The following DUOX2 variants were observed in gnomAD, a reference collection of about 807,000 sequenced individuals.
DUOX2 encodes the protein NADH/NADPH thyroid oxidase p138-tox.
Under a neutral mutation model 183.3 loss-of-function variants are expected in DUOX2, and 185 were observed. The ratio of observed to expected loss-of-function variants is 1.01; its 90% CI spans 0.90 to 1.14. The LOEUF (loss-of-function observed/expected upper bound fraction) is 1.14, where lower values mean the gene tolerates loss of function less well. Ranked by LOEUF, DUOX2 falls within the 50% of genes most tolerant of loss-of-function variation. The probability of loss-of-function intolerance (pLI) is 0.00; values close to 1 mark genes in which losing one functional copy is unlikely to be tolerated. For missense variants in DUOX2, 1,999 were observed against 2,022.9 expected, an observed-to-expected ratio of 0.99 and a Z score of 0.23; for synonymous variants, 788 against 812.4, an observed-to-expected ratio of 0.97 and a Z score of 0.51.
Position 45,100,843 on chromosome 15 carries a change from GA to G in DUOX2, c.2922-6del. ...CCCAGTCCCTGGGGGTGGGAGCTGA[GA>G]AAAAGAAATGGGGCTGTTCTCCCCT... On this transcript the variant is annotated splice_region_variant and splice_polypyrimidine_tract_variant and intron_variant, in intron 22 of 33. Coordinates refer to ENST00000389039, the MANE Select transcript of DUOX2 (RefSeq NM_001363711.2). 6.2e-7 allele frequency: 1 copy of G among 1,600,388 alleles called. No individual in the cohort carries two copies.
In DUOX2 at chr15:45,107,305, T is replaced by C. The variant is rs758492175; in HGVS notation, c.1693+40A>G. The stretch of plus-strand genomic sequence containing the variant: ...CGCACCCTCAATCTTGATCCTTCTC[T>C]GGCCACTGTCACTCACTTGTGTTCT... On this transcript the variant is annotated intron_variant, in intron 14 of 33. Transcript: ENST00000389039. The C allele has an allele frequency of 2.5e-6, 4 of 1,609,650 alleles. No homozygotes were observed. The Admixed American group carries it at 5.0e-5, about 20-fold the overall frequency.
In DUOX2 at chr15:45,108,971, T is replaced by A. The variant is rs534509103; in HGVS notation, c.1235-19A>T. 6.2e-7 allele frequency: 1 copy of A among 1,613,960 alleles called. No individual in the cohort carries two copies. The highest frequency in any genetic ancestry group is 8.5e-7 in the Non-Finnish European group (1 of 1,179,994). On this transcript the variant is annotated intron_variant, in intron 11 of 33. Coordinates refer to ENST00000389039, the MANE Select transcript of DUOX2 (RefSeq NM_001363711.2). ...CAGTAATCTGAAGAGGAGAGAAGAC[T>A]AGACTATGGGCTTTGTCCTCTCCAT...
At position 45,106,272 on chromosome 15, in the gene DUOX2, CA is replaced by C. The variant is rs772348846; in HGVS notation, c.2000del (p.Leu667ArgfsTer9). The C allele has an allele frequency of 1.9e-5, 30 of 1,614,164 alleles. No individual in the cohort carries two copies. In the East Asian group the frequency reaches 6.7e-4, roughly 36 times the overall value. On this transcript the variant is annotated frameshift_variant, in exon 17 of 34. Transcript: ENST00000389039. LOFTEE classifies it high-confidence loss of function. The stretch of plus-strand genomic sequence containing the variant: ...TCAGGACCTGCAGACACCTGTCTGA[CA>C]GCAGCTGGATGATGATGGGACTGCT... ...ERSSPIIIQL[L>X]SDRCLQVLNR...
At chr15:45,102,066 C>A (rs1894098395) in intron 20 of DUOX2, 77 bp from the exon 21 acceptor site, 4 of 1,550,088 alleles carry the variant, frequency 2.6e-6, no homozygotes, top group Middle Eastern at 4.4e-4. Flanking sequence ...GGGGCAGGCC[C>A]CAGATTATCT....
At chr15:45,109,417 T>C in intron 11 of DUOX2, 107 bp downstream of exon 11, 1 of 910,474 alleles carries the variant, frequency 1.1e-6, no homozygotes, top group South Asian at 1.3e-5. Context: ...TGTGTTTGTA[T>C]CTGTGTTCCT....
intron 21 of DUOX2, 58 bp downstream of exon 21, chr15:45,101,733 AAC>A: frequency 6.2e-7 from 1 of 1,610,572 alleles, no homozygotes; most frequent in Non-Finnish European, 8.5e-7. Context: ...GCCCACCAGG[AAC>A]TCTCATTTTG....
At position 45,109,585 on chromosome 15, in the gene DUOX2, C is replaced by G. The variant is rs748853859; in HGVS notation, c.1173G>C (p.Leu391=). Residue 391 remains leucine, a synonymous_variant, in exon 11 of 34, where the codon CTG becomes CTC. Transcript: ENST00000389039. ...CCGAAATCTGGGAGGCCATTCCCAGCAGCAGCTCATTCACCTCCTGGGTAC... is the reference window on the plus strand; with the variant it reads ...CCGAAATCTGGGAGGCCATTCCCAGGAGCAGCTCATTCACCTCCTGGGTAC... ...LNSTQEVNEL[L]LGMASQISEL... The G allele has an allele frequency of 6.2e-6, 10 of 1,614,032 alleles. No individual in the cohort carries two copies. In the South Asian group the frequency reaches 8.8e-5, roughly 14 times the overall value.
rs765380383 is a variant in DUOX2, at chr15:45,112,562, A to AC, written c.316dup (p.Val106GlyfsTer195). On this transcript the variant is annotated frameshift_variant, in exon 4 of 34. Transcript: ENST00000389039. LOFTEE classifies it high-confidence loss of function. The stretch of plus-strand genomic sequence containing the variant: ...TCCCCCTTTGCCCTCACCAAAGAAG[A>AC]CCCCCAGTACGGTGCGGTTGTGGAG... 21 of 1,612,418 alleles carry AC rather than the reference A, an allele frequency of 1.3e-5. No homozygotes were observed. Among genetic ancestry groups the AC allele is most frequent in the Non-Finnish European group, 1.6e-5 (19 of 1,179,582 alleles).
In DUOX2 at chr15:45,111,385, G is replaced by T. The variant is rs779861023; in HGVS notation, c.714C>A (p.Tyr238Ter). Reference sequence around the variant, plus strand: ...CCCGTCCCGCCCCTGTGGCCTCACCGTACAGCCCCCGGGGCCCGTTCTGCC... The same window carrying T: ...CCCGTCCCGCCCCTGTGGCCTCACCTTACAGCCCCCGGGGCCCGTTCTGCC... ...ATGQNGPRGL[Y>*]AFGAERGNRE... is the part of the protein sequence containing the mutation. The change falls in exon 6 of 34, where the codon TAC (tyrosine) becomes TAA (stop). Residue 238 changes from tyrosine to a stop codon, truncating the protein, a stop_gained and splice_region_variant. Coordinates refer to ENST00000389039, the MANE Select transcript of DUOX2 (RefSeq NM_001363711.2). LOFTEE classifies it high-confidence loss of function. 5.5e-6 allele frequency: 8 copies of T among 1,446,128 alleles called. No homozygotes were observed. The South Asian group carries it at 1.2e-4, about 21-fold the overall frequency. 89.6% of individuals were successfully genotyped at this position (1,446,128 alleles called of 1,614,324 possible).
chr15:45,111,560 T>C lies in DUOX2; in HGVS notation c.539A>G (p.Asp180Gly). The change falls in exon 6 of 34, where the codon GAC becomes GGC. Residue 180 changes from aspartate (D) to glycine (G), a missense_variant. By Grantham distance (94) the Asp-to-Gly change is moderately conservative. This residue lies in a region of DUOX2 where 356 missense variants were observed against 356.4 expected (regional missense o/e 1.00). Coordinates refer to ENST00000389039, the MANE Select transcript of DUOX2 (RefSeq NM_001363711.2). ...DLANQVTGWL[D>G]GSAIYGSSHS... ...CGAGGAGCCATAGATGGCGCTGCCG[T>C]CCAGCCAGCCCGTCACCTGGTTGGC... The C allele has an allele frequency of 1.9e-6, 3 of 1,548,606 alleles. No homozygotes were observed. Among genetic ancestry groups the C allele is most frequent in the Non-Finnish European group, 2.6e-6 (3 of 1,151,090 alleles).
chr15:45,094,019 G>A lies in DUOX2; in HGVS notation c.*131C>T, dbSNP rs929121945. ...CTGGGTCAATATTCTCCCAATATTG[G>A]GAGGGGCTCTGCAGCCCTCCAGCTG... On this transcript the variant is annotated 3_prime_UTR_variant, in exon 34 of 34. Transcript: ENST00000389039. 3.3e-6 allele frequency: 4 copies of A among 1,214,732 alleles called. No homozygotes were observed. Among genetic ancestry groups the A allele is most frequent in the East Asian group, 2.3e-5 (1 of 42,712 alleles). 75.2% of individuals were successfully genotyped at this position (1,214,732 alleles called of 1,614,324 possible).
chr15:45,094,403 G>A (rs746296630), intron 33 of DUOX2, 131 bp from the exon 34 acceptor site: 41 of 1,531,080 alleles, frequency 2.7e-5, no homozygotes, highest in Non-Finnish European at 2.9e-5. Flanking sequence ...GAGGCTTAAC[G>A]TGGAGGGGGT....
At chr15:45,099,519 G>A (rs1264680793) in intron 25 of DUOX2, 37 bp from the exon 26 acceptor site, 5 of 1,603,394 alleles carry the variant, frequency 3.1e-6, no homozygotes, top group Non-Finnish European at 4.3e-6. Context: ...TGCCAACCAG[G>A]ACAGACTCTA....
intron 20 of DUOX2, 59 bp from the exon 21 acceptor site, chr15:45,102,048 T>C: frequency 6.3e-7 from 1 of 1,598,418 alleles, no homozygotes; most frequent in Middle Eastern, 2.0e-4. Context: ...CTTGGGTAGG[T>C]GCAGGGTGGG....
chr15:45,099,430 T>A lies in DUOX2; in HGVS notation c.3468A>T (p.Pro1156=). Residue 1156 remains proline (P), a synonymous_variant, in exon 26 of 34, where the codon CCA becomes CCT. Transcript: ENST00000389039. ...AVNVYIFSVS[P]LSLLACIFPN... is the part of the protein sequence containing the mutation. ...GGAATATGCAGGCCAGCAGGCTGAGTGGGCTGACTGAGAAGATGTAGACAT... is the reference window on the plus strand; with the variant it reads ...GGAATATGCAGGCCAGCAGGCTGAGAGGGCTGACTGAGAAGATGTAGACAT... 1.2e-6 allele frequency: 2 copies of A among 1,614,020 alleles called. No homozygotes were observed. Among genetic ancestry groups the A allele is most frequent in the Non-Finnish European group, 1.7e-6 (2 of 1,180,010 alleles).
rs1446478334 is a variant in DUOX2, at chr15:45,100,138, C to G, written c.3096G>C (p.Lys1032Asn). The G allele has an allele frequency of 1.2e-5, 20 of 1,614,116 alleles. No homozygotes were observed. The East Asian group carries it at 4.2e-4, about 34-fold the overall frequency. ...GFLAQKLQQY[K>N]RFVENYRRHI... ...GCCTCCGGTAGTTCTCCACGAAGCG[C>G]TTGTACTGCTGCAGCTTTTGGGCTA... Residue 1032 changes from lysine to asparagine, a missense_variant, in exon 24 of 34, where the codon AAG becomes AAC. By Grantham distance (94) the Lys-to-Asn change is moderately conservative. Transcript: ENST00000389039.
rs1894363021 is a variant in DUOX2 at position 45,110,671 on chromosome 15, T to C, written c.922A>G (p.Lys308Glu). 6.2e-7 allele frequency: 1 copy of C among 1,612,570 alleles called. No homozygotes were observed. Among genetic ancestry groups the C allele is most frequent in the African/African-American group, 1.3e-5 (1 of 74,890 alleles). The change falls in exon 8 of 34, where the codon AAA becomes GAA. Residue 308 changes from lysine to glutamate, a missense_variant. Coordinates refer to ENST00000389039, the MANE Select transcript of DUOX2 (RefSeq NM_001363711.2). Reference protein sequence around the residue: ...VYEWLPSFLQKTLPEYTGYRP... With the variant: ...VYEWLPSFLQETLPEYTGYRP... ...TCACCTGTATACTCCGGGAGTGTTT[T>C]CTGCAGGAAGCTGGGCAGCCACTCA...
Position 45,095,002 on chromosome 15 carries a change from G to A in DUOX2, c.4329C>T (p.Asp1443=), listed in dbSNP as rs1169274447. ...TGACATAAATGTGCACAGACACCAG[G>A]TCCTGGTGGTCGTTCTCCTCCACCT... ...IQEVEENDHQ[D]LVSVHIYVTQ... is the part of the protein sequence containing the mutation. Residue 1443 remains aspartate, a synonymous_variant, in exon 32 of 34, where the codon GAC becomes GAT. Coordinates refer to ENST00000389039, the MANE Select transcript of DUOX2 (RefSeq NM_001363711.2). 1 of 1,614,190 alleles carries A rather than the reference G, an allele frequency of 6.2e-7. No homozygotes were observed. The highest frequency in any genetic ancestry group is 8.5e-7 in the Non-Finnish European group (1 of 1,180,022).
At position 45,109,573 on chromosome 15, in the gene DUOX2, G is replaced by C; in HGVS notation, c.1185C>G (p.Ala395=). ...QEVNELLLGM[A]SQISELEDNI... ...TGTCCTCCAACTCCGAAATCTGGGA[G>C]GCCATTCCCAGCAGCAGCTCATTCA... Residue 395 remains alanine, a synonymous_variant, in exon 11 of 34, where the codon GCC becomes GCG. Coordinates refer to ENST00000389039, the MANE Select transcript of DUOX2 (RefSeq NM_001363711.2). 1 of 1,614,108 alleles carries C rather than the reference G, an allele frequency of 6.2e-7. No homozygotes were observed. The highest frequency in any genetic ancestry group is 8.5e-7 in the Non-Finnish European group (1 of 1,180,026).
Sources: gnomAD v4.1 joint callset for allele counts on GRCh38, gnomAD v4.1.1 for gene constraint, gnomAD v4.1.1 regional missense constraint, MANE v1.5 for transcripts, NCBI Gene and HGNC (gene_info 2026-07-23, HGNC 2026-07-21) for gene names.